STK39: variants seen among roughly 807,000 people sequenced by gnomAD.
STK39 encodes the protein serine/threonine kinase 39.
Under a neutral mutation model 77.8 loss-of-function variants are expected in STK39, and 20 were observed. That is an observed-to-expected ratio of 0.26 (90% confidence interval 0.18 to 0.37). STK39 has a LOEUF of 0.37. STK39 is among the 10% of genes least tolerant of loss of function. The probability of loss-of-function intolerance (pLI) is 1.00; values close to 1 mark genes in which losing one functional copy is unlikely to be tolerated. For synonymous variants in STK39, 246 were observed against 234.1 expected (o/e 1.05, Z -0.47); for missense variants, 479 against 656.5 (o/e 0.73, Z 2.95).
intron 16 of STK39, among the ~76,000 whole-genome samples, chr2:167,982,571 A>G (rs1420380001): frequency 6.6e-6 from 1 of 152,210 alleles, no homozygotes; most frequent in Non-Finnish European, 1.5e-5. Flanking sequence ...GAAATGGCCT[A>G]GTTTGGATGA....
chr2:168,101,372 A>G (rs534874990), intron 10 of STK39, among the ~76,000 whole-genome samples: 1 of 152,140 alleles, frequency 6.6e-6, no homozygotes, highest in South Asian at 2.1e-4. Flanking sequence ...AAAAAGAAAA[A>G]GCCTACATTT....
At chr2:168,220,033 T>C (rs1365173625) in intron 1 of STK39, among the ~76,000 whole-genome samples, 1 of 152,120 alleles carries the variant, frequency 6.6e-6, no homozygotes, top group Admixed American at 6.6e-5. Flanking sequence ...GCTTGAGTAT[T>C]TGAATAATGA....
chr2:167,964,343 G>A (rs1417168499), intron 17 of STK39: 1 of 258,874 alleles, frequency 3.9e-6, no homozygotes, highest in Admixed American at 5.9e-5. Context: ...TTTGAATTCA[G>A]TGTAATTTTG....
At chr2:167,994,088 G>A (rs988723782) in intron 16 of STK39, among the ~76,000 whole-genome samples, 8 of 152,268 alleles carry the variant, frequency 5.3e-5, no homozygotes, top group African/African-American at 1.9e-4. Flanking sequence ...CCAGTGAACA[G>A]TTTAAGTAAT....
intron 10 of STK39, among the ~76,000 whole-genome samples, chr2:168,092,307 G>C (rs1686545917): frequency 6.6e-6 from 1 of 152,162 alleles, no homozygotes; most frequent in African/African-American, 2.4e-5. Flanking sequence ...CTCCAGACAG[G>C]AGTTTTATCT....
intron 17 of STK39, among the ~76,000 whole-genome samples, chr2:167,958,279 T>G (rs1170794505): frequency 6.6e-6 from 1 of 152,066 alleles, no homozygotes; most frequent in Non-Finnish European, 1.5e-5. Context: ...AATATATTAT[T>G]TGAAATTATG....
chr2:168,012,905 GA>G (rs1372664919), intron 15 of STK39, among the ~76,000 whole-genome samples: 27 of 152,302 alleles, frequency 1.8e-4, no homozygotes, highest in African/African-American at 6.3e-4. Flanking sequence ...TTATTCAACA[GA>G]AGTTATGCAA....
intron 14 of STK39, among the ~76,000 whole-genome samples, chr2:168,058,985 A>T (rs1685594612): frequency 6.6e-6 from 1 of 152,214 alleles, no homozygotes; most frequent in Non-Finnish European, 1.5e-5. Context: ...GCCCTACGTG[A>T]TTTGGCCCCT....
At chr2:168,237,970 G>C (rs1006196375) in intron 1 of STK39, among the ~76,000 whole-genome samples, 9 of 152,100 alleles carry the variant, frequency 5.9e-5, no homozygotes, top group Admixed American at 5.2e-4. Flanking sequence ...GAGAAAGAAA[G>C]AGAACCAGAT....
At chr2:168,115,398 G>T (rs750665839) in intron 10 of STK39, among the ~76,000 whole-genome samples, 1 of 152,182 alleles carries the variant, frequency 6.6e-6, no homozygotes, top group South Asian at 2.1e-4. Context: ...CATATGTAAG[G>T]TGATATGTGT....
At chr2:168,070,384 G>A (rs1350006470) in intron 12 of STK39, among the ~76,000 whole-genome samples, 1 of 151,736 alleles carries the variant, frequency 6.6e-6, no homozygotes, top group Non-Finnish European at 1.5e-5. Context: ...AAACAAGGAT[G>A]AGCTATCTAC....
chr2:168,094,622 T>G (rs1686613359), intron 10 of STK39, among the ~76,000 whole-genome samples: 1 of 152,176 alleles, frequency 6.6e-6, no homozygotes, highest in African/African-American at 2.4e-5. Context: ...CTGACCACCT[T>G]CACCTTCCTG....
intron 13 of STK39, among the ~76,000 whole-genome samples, 176 bp downstream of exon 13, chr2:168,065,143 T>C (rs1025434740): frequency 6.6e-6 from 1 of 152,326 alleles, no homozygotes; most frequent in Admixed American, 6.5e-5. Flanking sequence ...GAGCCTATCA[T>C]TTAAAGGTTG....
chr2:168,138,597 T>C (rs1204530431), intron 7 of STK39, among the ~76,000 whole-genome samples: 1 of 152,248 alleles, frequency 6.6e-6, no homozygotes, highest in East Asian at 1.9e-4. Context: ...ACTGTTCATG[T>C]ATACAGGTCA....
At chr2:168,198,814 A>G (rs1689540156) in intron 1 of STK39, among the ~76,000 whole-genome samples, 1 of 152,242 alleles carries the variant, frequency 6.6e-6, no homozygotes, top group African/African-American at 2.4e-5. Flanking sequence ...TGTTTTAAGG[A>G]TAGTTTTACA....
chr2:168,134,356 G>A (rs1029191738), intron 8 of STK39, among the ~76,000 whole-genome samples: 2 of 152,202 alleles, frequency 1.3e-5, no homozygotes, highest in Admixed American at 1.3e-4. Context: ...ATATGATATA[G>A]TTTAAATAGT....
intron 1 of STK39, among the ~76,000 whole-genome samples, chr2:168,238,832 C>T (rs181384704): frequency 2.6e-5 from 4 of 152,108 alleles, no homozygotes; most frequent in African/African-American, 9.6e-5. Flanking sequence ...CAATTGATGG[C>T]AGATAGGGAA....
chr2:168,098,061 CTG>C (rs1440637850), intron 10 of STK39, among the ~76,000 whole-genome samples: 2 of 152,212 alleles, frequency 1.3e-5, no homozygotes, highest in East Asian at 3.9e-4. Flanking sequence ...AGTGAAACAA[CTG>C]TGTAAAACAA....
At chr2:168,160,979 A>C (rs548318117) in intron 5 of STK39, among the ~76,000 whole-genome samples, 1 of 152,124 alleles carries the variant, frequency 6.6e-6, no homozygotes, top group African/African-American at 2.4e-5. Flanking sequence ...AAGAATTGCC[A>C]AAGATTGATA....
Sources: gnomAD v4.1 joint callset for allele counts (sites outside exome capture counted in the v4.1 genomes callset) on GRCh38, gnomAD v4.1.1 for gene constraint, MANE v1.5 for transcripts, NCBI Gene and HGNC (gene_info 2026-07-23, HGNC 2026-07-21) for gene names.